HMGCL: variants seen among roughly 807,000 people sequenced by gnomAD.
The protein encoded by HMGCL is hydroxymethylglutaryl-CoA lyase, mitochondrial.
In HMGCL, 26 loss-of-function variants were observed where a neutral mutation model predicts 37.3. The ratio of observed to expected loss-of-function variants is 0.70; its 90% CI spans 0.51 to 0.97. The LOEUF is 0.97. Ranked by LOEUF, HMGCL falls within the 50% of genes least tolerant of loss-of-function variation. HMGCL has a pLI of 0.00. For missense variants in HMGCL, 379 were observed against 398.1 expected (o/e 0.95, Z 0.41); for synonymous variants, 151 against 148.0 (o/e 1.02, Z -0.15).
intron 8 of HMGCL, chr1:23,803,899 C>T (rs1638346792): frequency 6.2e-6 from 1 of 161,784 alleles, no homozygotes; most frequent in Non-Finnish European, 1.4e-5. Context: ...GAGAACAAAA[C>T]AAAGCCAAGA....
At chr1:23,807,721 A>G (rs984405693) in intron 7 of HMGCL, among the ~76,000 whole-genome samples, 6 of 152,164 alleles carry the variant, frequency 3.9e-5, no homozygotes, top group African/African-American at 1.4e-4. Context: ...ATATTGTATG[A>G]GTCCTCCCTG....
intron 6 of HMGCL, chr1:23,809,801 G>A (rs1373186309): frequency 6.6e-6 from 1 of 152,262 alleles, no homozygotes; most frequent in Non-Finnish European, 1.5e-5. Flanking sequence ...AAGGGGACCA[G>A]AAGACACCAG....
intron 1 of HMGCL, among the ~76,000 whole-genome samples, chr1:23,824,618 C>T (rs996813954): frequency 1.3e-5 from 2 of 152,128 alleles, no homozygotes; most frequent in African/African-American, 4.8e-5. Context: ...TATTAGGAGC[C>T]AGAACACTGC....
chr1:23,807,323 C>T (rs1353702637), intron 7 of HMGCL: 1 of 499,374 alleles, frequency 2.0e-6, no homozygotes, highest in South Asian at 1.4e-5. Context: ...CGAACCTTAA[C>T]CTTGACAGCC....
chr1:23,814,086 C>T, intron 5 of HMGCL, 104 bp downstream of exon 5: 2 of 1,271,830 alleles, frequency 1.6e-6, no homozygotes, highest in South Asian at 2.4e-5. Context: ...TCAGGCTGCC[C>T]CCACCCAGGA....
intron 8 of HMGCL, among the ~76,000 whole-genome samples, chr1:23,803,390 T>C (rs938112222): frequency 6.6e-6 from 1 of 152,178 alleles, no homozygotes; most frequent in South Asian, 2.1e-4. Flanking sequence ...TTAGTAGAGA[T>C]GGGGTTTCAC....
intron 1 of HMGCL, among the ~76,000 whole-genome samples, chr1:23,823,622 G>C (rs59650706): frequency 0.27 from 40,398 of 151,964 alleles, 6,013 homozygotes; most frequent in Non-Finnish European, 0.34. Context: ...CAAAGTGCTA[G>C]GATTATAGGC....
chr1:23,820,740 T>C, intron 1 of HMGCL, 147 bp from the exon 2 acceptor site: 1 of 698,494 alleles, frequency 1.4e-6, no homozygotes, highest in South Asian at 1.6e-5. Context: ...TGGTCTATTT[T>C]AGAATTAAGA....
chr1:23,812,475 G>T (rs1320044212), intron 5 of HMGCL, among the ~76,000 whole-genome samples: 1 of 152,132 alleles, frequency 6.6e-6, no homozygotes, highest in Non-Finnish European at 1.5e-5. Context: ...TCCCACCTTA[G>T]CCTCCTGAGT....
chr1:23,807,613 G>A (rs546003634), intron 7 of HMGCL, among the ~76,000 whole-genome samples: 7 of 152,212 alleles, frequency 4.6e-5, no homozygotes, highest in South Asian at 2.1e-4. Flanking sequence ...TGTGGGGAAC[G>A]GCATTAAAGC....
At chr1:23,804,736 T>A (rs936440515) in intron 7 of HMGCL, among the ~76,000 whole-genome samples, 5 of 152,172 alleles carry the variant, frequency 3.3e-5, no homozygotes, top group Non-Finnish European at 7.3e-5. Context: ...CAGCAGTATC[T>A]TTCCTTTCAT....
intron 8 of HMGCL, chr1:23,804,128 A>G: frequency 4.1e-6 from 2 of 485,458 alleles, no homozygotes; most frequent in Non-Finnish European, 7.5e-6. Flanking sequence ...TTTGTTTTGA[A>G]GAGATAGGGT....
At chr1:23,813,982 G>A (rs1638569312) in intron 5 of HMGCL, 1 of 617,664 alleles carries the variant, frequency 1.6e-6, no homozygotes, top group Non-Finnish European at 2.9e-6. Context: ...ATGGCTAGCT[G>A]GTAAACTGAC....
intron 7 of HMGCL, among the ~76,000 whole-genome samples, chr1:23,804,875 T>TCC (rs1557486142): frequency 4.6e-4 from 52 of 113,980 alleles, no homozygotes; most frequent in African/African-American, 1.6e-3. Flanking sequence ...ATTCATTTAT[T>TCC]ACCCCCCCCC....
chr1:23,818,272 A>C (rs781594243), intron 2 of HMGCL, among the ~76,000 whole-genome samples: 4 of 152,188 alleles, frequency 2.6e-5, no homozygotes, highest in Non-Finnish European at 5.9e-5. Context: ...CAGCCTGGGC[A>C]ACATGGCGAA....
chr1:23,817,831 T>C (rs575663026), intron 2 of HMGCL, among the ~76,000 whole-genome samples: 1 of 152,350 alleles, frequency 6.6e-6, no homozygotes, highest in African/African-American at 2.4e-5. Context: ...AGGGCAGAGA[T>C]GACTAACCCT....
chr1:23,816,202 G>C (rs1638610700), intron 4 of HMGCL, among the ~76,000 whole-genome samples: 1 of 151,690 alleles, frequency 6.6e-6, no homozygotes, highest in Non-Finnish European at 1.5e-5. Context: ...TGGGATTATA[G>C]GTGTGAGCCA....
chr1:23,819,790 T>C (rs1638680149), intron 2 of HMGCL, among the ~76,000 whole-genome samples: 1 of 152,140 alleles, frequency 6.6e-6, no homozygotes, highest in African/African-American at 2.4e-5. Flanking sequence ...TTGTTTTTGT[T>C]TGGAGACAGA....
rs146186786 is a variant in HMGCL, at chr1:23,810,747, T to C, written c.550A>G (p.Lys184Glu). 9.3e-6 allele frequency: 15 copies of C among 1,613,852 alleles called. No homozygotes were observed. In the African/African-American group the frequency reaches 1.7e-4, roughly 19 times the overall value. The change falls in exon 6 of 9, where the codon AAA becomes GAA. Residue 184 changes from lysine to glutamate, a missense_variant. Coordinates refer to ENST00000374490, the MANE Select transcript of HMGCL (RefSeq NM_000191.3). Reference protein sequence around the residue: ...CPYEGKISPAKVAEVTKKFYS... With the variant: ...CPYEGKISPAEVAEVTKKFYS... ...ACACATGCACACACCTCAGCTACTT[T>C]AGCTGGGGAGATCTTCCCTTCATAA... is the stretch of plus-strand genomic sequence containing the variant.
Sources: gnomAD v4.1 joint callset for allele counts (sites outside exome capture counted in the v4.1 genomes callset) on GRCh38, gnomAD v4.1.1 for gene constraint, MANE v1.5 for transcripts, NCBI Gene and HGNC (gene_info 2026-07-23, HGNC 2026-07-21) for gene names.